SLC25A53: variants seen among roughly 807,000 people sequenced by gnomAD.
SLC25A53 encodes mitochondrial carrier triple repeat protein 6.
In SLC25A53, 5 loss-of-function variants were observed where a neutral mutation model predicts 15.0. That is an observed-to-expected ratio of 0.33 (90% CI 0.17 to 0.70). The LOEUF is 0.70. SLC25A53 is among the 30% of genes least tolerant of loss of function. SLC25A53 has a pLI of 0.67. For synonymous variants in SLC25A53, 95 were observed against 100.0 expected (o/e 0.95, Z 0.30); for missense variants, 216 against 241.6 (o/e 0.89, Z 0.70).
At position 104,101,887 on chromosome X, in the gene SLC25A53, T is replaced by C. The variant is rs2075282362; in HGVS notation, c.*2447A>G. 8.9e-6 allele frequency: 1 copy of C among 112,352 alleles called. No homozygotes were observed. The highest frequency in any genetic ancestry group is 3.2e-5 in the African/African-American group (1 of 30,902). The allele number at this position is 112,352 out of a possible 1,213,427, so 9.3% of individuals were successfully genotyped here. A position where few individuals can be genotyped will look rare whatever the true frequency, so the allele number is the denominator to read the frequency against. On this transcript the variant is annotated 3_prime_UTR_variant, in exon 2 of 2. Transcript: ENST00000594199. The stretch of plus-strand genomic sequence containing the variant: ...TATGCTTGCAACATTTTTAAATGTT[T>C]GAAATTATTTTTAAATAAGAAGTTA...
chrX:104,105,823 G>A (rs1452684043), intron 1 of SLC25A53, among the ~76,000 whole-genome samples: 1 of 111,628 alleles, frequency 9.0e-6, no homozygotes, highest in Non-Finnish European at 1.9e-5. Context: ...GCTGTTTCAT[G>A]GCAACGCCCA....
At chrX:104,106,609 A>G (rs1556356222) in intron 1 of SLC25A53, among the ~76,000 whole-genome samples, 1 of 111,361 alleles carries the variant, frequency 9.0e-6, no homozygotes, top group African/African-American at 3.3e-5. Flanking sequence ...TTAAGCTAGC[A>G]GGCCAATGGG....
At chrX:104,140,918 A>G (rs1230454377) in intron 1 of SLC25A53, among the ~76,000 whole-genome samples, 3 of 111,088 alleles carry the variant, frequency 2.7e-5, no homozygotes, top group Non-Finnish European at 3.8e-5. Flanking sequence ...GCCCACCGCT[A>G]AGAAGTTCTG....
At chrX:104,117,779 A>G (rs781981335) in intron 1 of SLC25A53, among the ~76,000 whole-genome samples, 11 of 111,661 alleles carry the variant, frequency 9.9e-5, no homozygotes, top group South Asian at 3.8e-4. Context: ...CCTTTTCTCA[A>G]ATTCACTCTA....
At chrX:104,152,412 A>C (rs1391497199) in intron 1 of SLC25A53, among the ~76,000 whole-genome samples, 4 of 108,912 alleles carry the variant, frequency 3.7e-5, no homozygotes, top group Admixed American at 2.9e-4. Flanking sequence ...TGAACTCATC[A>C]TTTTTTATGG....
chrX:104,117,432 C>T (rs2075381134), intron 1 of SLC25A53, among the ~76,000 whole-genome samples: 1 of 111,248 alleles, frequency 9.0e-6, no homozygotes, highest in Non-Finnish European at 1.9e-5. Context: ...AAGCCTCAGC[C>T]TCCTTAATGC....
chrX:104,129,249 G>A (rs781870124), intron 1 of SLC25A53, among the ~76,000 whole-genome samples: 9 of 111,537 alleles, frequency 8.1e-5, no homozygotes, highest in African/African-American at 1.3e-4. Context: ...CATACAGAGC[G>A]TCTTCACATA....
intron 1 of SLC25A53, among the ~76,000 whole-genome samples, chrX:104,151,019 G>A (rs148840336): frequency 4.5e-5 from 5 of 111,608 alleles, no homozygotes; most frequent in African/African-American, 1.3e-4. Context: ...TCAGACTTTC[G>A]ATTTGGCTCT....
rs2075286952 is a variant in SLC25A53, at chrX:104,102,843, GC to G, written c.*1490del. The G allele has an allele frequency of 8.9e-6, 1 of 111,959 alleles. No individual in the cohort carries two copies. The highest frequency in any genetic ancestry group is 3.7e-4 in the South Asian group (1 of 2,692). The allele number at this position is 111,959 out of a possible 1,213,427, so 9.2% of individuals were successfully genotyped here. A position where few individuals can be genotyped will look rare whatever the true frequency, so the allele number is the denominator to read the frequency against. On this transcript the variant is annotated 3_prime_UTR_variant, in exon 2 of 2. Coordinates refer to ENST00000594199, the MANE Select transcript of SLC25A53 (RefSeq NM_001012755.5). ...CTGTATGAAGTGCTGTTAGAAAGGG[GC>G]ATCACAGAGGCTGGGCGCGGTGGCT... is the stretch of plus-strand genomic sequence containing the variant.
At chrX:104,106,718 C>A (rs1192944719) in intron 1 of SLC25A53, among the ~76,000 whole-genome samples, 3 of 111,141 alleles carry the variant, frequency 2.7e-5, no homozygotes, top group Admixed American at 1.9e-4. Context: ...GCCAAGAATC[C>A]GCCTTGGTGT....
Position 104,105,046 on chromosome X carries a change from T to C in SLC25A53, c.212A>G (p.His71Arg). 1 of 1,212,145 alleles carries C rather than the reference T, an allele frequency of 8.2e-7. No individual in the cohort carries two copies. Among genetic ancestry groups the C allele is most frequent in the Non-Finnish European group, 1.1e-6 (1 of 895,591 alleles). The change falls in exon 2 of 2, where the codon CAT (histidine) becomes CGT (arginine). Residue 71 changes from histidine (H) to arginine (R), a missense_variant. By Grantham distance (29) the His-to-Arg change is conservative. Transcript: ENST00000594199. ...AVSEAVRQLW[H>R]EGPQYFYRGI... ...CCGGTAGAAGTATTGAGGACCTTCA[T>C]GCCAAAGCTGTCTCACAGCCTCTGA...
At chrX:104,109,104 G>A (rs1433185786) in intron 1 of SLC25A53, among the ~76,000 whole-genome samples, 4 of 111,948 alleles carry the variant, frequency 3.6e-5, no homozygotes, top group Admixed American at 1.9e-4. Flanking sequence ...TTAGGTAGGG[G>A]AGTGAGGGCA....
At chrX:104,128,461 T>C (rs980412950) in intron 1 of SLC25A53, among the ~76,000 whole-genome samples, 8 of 112,164 alleles carry the variant, frequency 7.1e-5, no homozygotes, top group Non-Finnish European at 1.9e-5. Context: ...TGAAAATCTC[T>C]TAAATGTCTG....
chrX:104,137,906 CA>C (rs1224424547), intron 1 of SLC25A53, among the ~76,000 whole-genome samples: 3 of 110,794 alleles, frequency 2.7e-5, no homozygotes, highest in Non-Finnish European at 3.8e-5. Context: ...AAATATAGAC[CA>C]AAAAAAACAA....
intron 1 of SLC25A53, among the ~76,000 whole-genome samples, chrX:104,116,738 C>G (rs1427244733): frequency 9.0e-6 from 1 of 111,190 alleles, no homozygotes; most frequent in Non-Finnish European, 1.9e-5. Context: ...GCAAGGAGCC[C>G]AATGCAGCCT....
chrX:104,142,441 G>A (rs1013479475), intron 1 of SLC25A53, among the ~76,000 whole-genome samples: 2 of 111,853 alleles, frequency 1.8e-5, no homozygotes, highest in African/African-American at 6.5e-5. Context: ...CGCTAGCCAC[G>A]TGTCATATGT....
At chrX:104,111,839 T>C (rs1250871877) in intron 1 of SLC25A53, among the ~76,000 whole-genome samples, 19 of 112,383 alleles carry the variant, frequency 1.7e-4, no homozygotes, top group African/African-American at 5.8e-4. Context: ...AGTTTCTTCA[T>C]CTGTGAAATG....
chrX:104,148,803 G>A (rs1470877062), intron 1 of SLC25A53, among the ~76,000 whole-genome samples: 2 of 111,602 alleles, frequency 1.8e-5, no homozygotes, highest in Admixed American at 1.9e-4. Flanking sequence ...TGCACGTTGT[G>A]CACATGTACC....
chrX:104,106,986 C>T (rs1311794264), intron 1 of SLC25A53, among the ~76,000 whole-genome samples: 3 of 103,673 alleles, frequency 2.9e-5, no homozygotes, highest in Non-Finnish European at 5.9e-5. Context: ...CCATCCATAT[C>T]CCCACAATCT....
Sources: gnomAD v4.1 joint callset for allele counts (sites outside exome capture counted in the v4.1 genomes callset) on GRCh38, gnomAD v4.1.1 for gene constraint, MANE v1.5 for transcripts, NCBI Gene and HGNC (gene_info 2026-07-23, HGNC 2026-07-21) for gene names.